The following RALGPS2 variants were observed in gnomAD, a reference collection of about 807,000 sequenced individuals.
The protein encoded by RALGPS2 is Ral GEF with PH domain and SH3 binding motif 2, also known as ras-specific guanine nucleotide-releasing factor RalGPS2.
RALGPS2 carries 43 observed loss-of-function variants against 86.8 expected under a neutral mutation model. The ratio of observed to expected loss-of-function variants is 0.50; its 90% CI spans 0.39 to 0.64. RALGPS2 has a LOEUF of 0.64. Among genes scored for constraint, RALGPS2 ranks in the 30% least tolerant of loss-of-function variants. The probability of loss-of-function intolerance (pLI) is 0.00; values close to 1 mark genes in which losing one functional copy is unlikely to be tolerated. For missense variants in RALGPS2, 536 were observed against 694.6 expected, an observed-to-expected ratio of 0.77 and a Z score of 2.57; for synonymous variants, 243 against 231.3, an observed-to-expected ratio of 1.05 and a Z score of -0.46.
chr1:178,857,018 G>C (rs1229359866), intron 8 of RALGPS2, among the ~76,000 whole-genome samples: 1 of 152,028 alleles, frequency 6.6e-6, no homozygotes, highest in African/African-American at 2.4e-5. Context: ...GTCACATATG[G>C]GCTACTTCAC....
chr1:178,746,763 C>G, intron 1 of RALGPS2: 1 of 821,952 alleles, frequency 1.2e-6, no homozygotes, highest in South Asian at 1.3e-5. Context: ...ACCTTCTGAG[C>G]TGTGGTGGCC....
intron 1 of RALGPS2, chr1:178,753,564 C>G (rs1191980190): frequency 2.6e-5 from 4 of 152,278 alleles, no homozygotes; most frequent in Middle Eastern, 6.8e-3. Context: ...AACAAGTGAT[C>G]ACTAACGCCA....
At chr1:178,880,521 G>C (rs1017148500) in intron 10 of RALGPS2, among the ~76,000 whole-genome samples, 9 of 152,272 alleles carry the variant, frequency 5.9e-5, no homozygotes, top group African/African-American at 1.7e-4. Context: ...TCACAAATCT[G>C]TTGCCCTAGG....
At chr1:178,810,045 A>G (rs956834241) in intron 5 of RALGPS2, among the ~76,000 whole-genome samples, 2 of 151,898 alleles carry the variant, frequency 1.3e-5, no homozygotes, top group Non-Finnish European at 2.9e-5. Flanking sequence ...CCAAGAGTTC[A>G]AGACCAGCTT....
chr1:178,851,041 G>T, intron 8 of RALGPS2: 2 of 1,222,096 alleles, frequency 1.6e-6, no homozygotes, highest in Non-Finnish European at 2.2e-6. Flanking sequence ...GAAATAAATT[G>T]TGCCAAGTAA....
chr1:178,861,189 A>C (rs1657984323), intron 8 of RALGPS2, among the ~76,000 whole-genome samples: 2 of 152,336 alleles, frequency 1.3e-5, no homozygotes, highest in South Asian at 4.1e-4. Flanking sequence ...TGTACTAATT[A>C]GTATAGTAAT....
intron 6 of RALGPS2, among the ~76,000 whole-genome samples, chr1:178,813,590 G>A (rs982659150): frequency 2.2e-4 from 34 of 152,134 alleles, no homozygotes; most frequent in African/African-American, 7.2e-4. Flanking sequence ...TAGAACCGTA[G>A]CATTCTGTAT....
At position 178,858,648 on chromosome 1, in the gene RALGPS2, A is replaced by C. The variant is rs1363069841; in HGVS notation, c.608-18850A>C. On this transcript the variant is annotated intron_variant, in intron 8 of 19. Transcript: ENST00000367635. ...AATTTATGTGAGGATTAAAGTTTAC[A>C]TAGGGCTAATGAAACCATATTAATA... Among the ~76,000 whole-genome samples, 4 of 152,240 alleles carry C rather than the reference A, an allele frequency of 2.6e-5. No homozygotes were observed. In the East Asian group the frequency reaches 7.7e-4, roughly 29 times the overall value.
At chr1:178,793,189 A>G (rs192272932) in intron 4 of RALGPS2, among the ~76,000 whole-genome samples, 8 of 152,282 alleles carry the variant, frequency 5.3e-5, no homozygotes, top group Middle Eastern at 3.4e-3. Context: ...CAGCTTTGCT[A>G]TTTATAAATT....
intron 2 of RALGPS2, among the ~76,000 whole-genome samples, chr1:178,784,198 CTCAT>C (rs903563796): frequency 7.2e-5 from 11 of 152,064 alleles, no homozygotes; most frequent in Non-Finnish European, 2.9e-5. Flanking sequence ...AAGAAAATGA[CTCAT>C]TCAAGAACCT....
At chr1:178,726,480 G>A (rs1401075498) in intron 1 of RALGPS2, among the ~76,000 whole-genome samples, 2 of 151,858 alleles carry the variant, frequency 1.3e-5, no homozygotes, top group East Asian at 3.9e-4. Context: ...GGTAAGGGAG[G>A]AGGAAGAAAG....
chr1:178,725,281 C>T lies in RALGPS2; in HGVS notation c.-222C>T. 5.7e-6 allele frequency: 1 copy of T among 175,944 alleles called. No individual in the cohort carries two copies. Among genetic ancestry groups the T allele is most frequent in the South Asian group, 1.3e-4 (1 of 7,642 alleles). 10.9% of individuals were successfully genotyped at this position (175,944 alleles called of 1,614,324 possible). ...CGAGCGGCAGCGGCGGCGGCGGCGG[C>T]GGCTGCTGCGGGCGCTGAATGAGAG... On this transcript the variant is annotated 5_prime_UTR_variant, in exon 1 of 20. Coordinates refer to ENST00000367635, the MANE Select transcript of RALGPS2 (RefSeq NM_152663.5).
intron 10 of RALGPS2, 84 bp from the exon 11 acceptor site, chr1:178,883,378 GTTTT>G (rs920346829): frequency 9.4e-7 from 1 of 1,063,766 alleles, no homozygotes. Context: ...AATGTTTTTA[GTTTT>G]TTTGTGAGAA....
rs1297316380 is a variant in RALGPS2 at position 178,916,942 on chromosome 1, C to T, written c.*583C>T. On this transcript the variant is annotated 3_prime_UTR_variant, in exon 20 of 20. Transcript: ENST00000367635. ...GAGTGTAGGAATGAGAAATGTTAGT[C>T]ATGTGAGTTCTTGGGTTTGTTTGGG... 1 of 152,044 alleles carries T rather than the reference C, an allele frequency of 6.6e-6. No individual in the cohort carries two copies. Among genetic ancestry groups the T allele is most frequent in the African/African-American group, 2.4e-5 (1 of 41,376 alleles). 9.4% of individuals were successfully genotyped at this position (152,044 alleles called of 1,614,324 possible).
chr1:178,747,068 G>C (rs1651377731), intron 1 of RALGPS2: 1 of 865,642 alleles, frequency 1.2e-6, no homozygotes, highest in African/African-American at 1.6e-5. Flanking sequence ...TCTGGGGTCT[G>C]AGATAAGACC....
chr1:178,807,033 A>C (rs1044840438), intron 4 of RALGPS2, among the ~76,000 whole-genome samples: 2 of 152,210 alleles, frequency 1.3e-5, no homozygotes, highest in African/African-American at 4.8e-5. Flanking sequence ...TCTAGAGGTC[A>C]GTCTTAAATA....
chr1:178,900,532 C>T (rs1359906102), intron 17 of RALGPS2, among the ~76,000 whole-genome samples: 1 of 151,830 alleles, frequency 6.6e-6, no homozygotes, highest in Non-Finnish European at 1.5e-5. Context: ...ACCAGAAATT[C>T]CTCATCTGAG....
At chr1:178,788,538 A>G (rs1653780185) in intron 4 of RALGPS2, among the ~76,000 whole-genome samples, 1 of 152,148 alleles carries the variant, frequency 6.6e-6, no homozygotes, top group South Asian at 2.1e-4. Flanking sequence ...ATTAAGGCCT[A>G]AAGGAGGTGA....
chr1:178,876,976 A>G (rs1392655878), intron 8 of RALGPS2, among the ~76,000 whole-genome samples: 4 of 152,184 alleles, frequency 2.6e-5, no homozygotes, highest in African/African-American at 4.8e-5. Context: ...AATGATAGCT[A>G]TCAACTCAAG....
Sources: gnomAD v4.1 joint callset for allele counts (sites outside exome capture counted in the v4.1 genomes callset) on GRCh38, gnomAD v4.1.1 for gene constraint, MANE v1.5 for transcripts, NCBI Gene and HGNC (gene_info 2026-07-23, HGNC 2026-07-21) for gene names.